Variants in MON1A observed in about 807,000 individuals in gnomAD.
MON1A encodes MON1 vesicular trafficking associated A.
MON1A carries 29 observed loss-of-function variants against 44.6 expected under a neutral mutation model. The ratio of observed to expected loss-of-function variants is 0.65; its 90% confidence interval spans 0.48 to 0.89. The LOEUF is 0.89. Among genes scored for constraint, MON1A ranks in the 40% least tolerant of loss-of-function variants. The probability of loss-of-function intolerance (pLI) is 0.00; values close to 1 mark genes in which losing one functional copy is unlikely to be tolerated. For missense variants in MON1A, 615 were observed against 759.6 expected (o/e 0.81, Z 2.24); for synonymous variants, 275 against 316.4 (o/e 0.87, Z 1.39).
chr3:49,920,028 T>C (rs2082983070), intron 1 of MON1A, among the ~76,000 whole-genome samples: 1 of 152,188 alleles, frequency 6.6e-6, no homozygotes, highest in Non-Finnish European at 1.5e-5. Context: ...CTGGGAAATA[T>C]ATGGAGCTCA....
Position 49,910,715 on chromosome 3 carries a change from G to C in MON1A, c.783C>G (p.Asn261Lys), listed in dbSNP as rs2082867802. ...CCGAGAGTAGGCGCCGCAAATCATA[G>C]TTCTGCTTCTGCTGGAAGATGTGGC... Reference protein sequence around the residue: ...QLSHIFQQKQNYDLRRLLSGS... With the variant: ...QLSHIFQQKQKYDLRRLLSGS... Residue 261 changes from asparagine (N) to lysine (K), a missense_variant, in exon 4 of 6, where the codon AAC becomes AAG. By Grantham distance (94) the Asn-to-Lys change is moderately conservative. Coordinates refer to ENST00000296473, the MANE Select transcript of MON1A (RefSeq NM_032355.4). This position sits in a 1 kb window ranked among gnomAD's most constrained non-coding sequence, Gnocchi z 8.0. 6.2e-7 allele frequency: 1 copy of C among 1,613,724 alleles called. No individual in the cohort carries two copies. Among genetic ancestry groups the C allele is most frequent in the African/African-American group, 1.3e-5 (1 of 74,920 alleles).
intron 1 of MON1A, among the ~76,000 whole-genome samples, chr3:49,927,249 C>A (rs1220888001): frequency 1.3e-5 from 2 of 152,112 alleles, no homozygotes; most frequent in Non-Finnish European, 2.9e-5. Context: ...AACAATGGCT[C>A]CGAAGTTAGA....
chr3:49,913,061 G>A (rs759675946), intron 2 of MON1A, 159 bp downstream of exon 2: 4 of 940,752 alleles, frequency 4.3e-6, no homozygotes, highest in Non-Finnish European at 6.7e-6. Context: ...GATGCAGAAT[G>A]AGCCTGGCCT....
chr3:49,926,828 G>C, intron 1 of MON1A, among the ~76,000 whole-genome samples: 1 of 151,424 alleles, frequency 6.6e-6, no homozygotes, highest in Non-Finnish European at 1.5e-5. Flanking sequence ...GCCCAGGCTG[G>C]AGTGCAGTGG....
chr3:49,913,289 G>A lies in MON1A; in HGVS notation c.58C>T (p.Pro20Ser). ...CTCTCCATACTCTGTCCATCAGAAG[G>A]AGTCAATGTGCCATCAAGGCATTCG... ...SSECLDGTLTPSDGQSMERAE... is the reference protein window; with the variant it reads ...SSECLDGTLTSSDGQSMERAE... The change falls in exon 2 of 6, where the codon CCT (proline) becomes TCT (serine). Residue 20 changes from proline to serine, a missense_variant. Transcript: ENST00000296473. 1 of 1,614,136 alleles carries A rather than the reference G, an allele frequency of 6.2e-7. No homozygotes were observed. The highest frequency in any genetic ancestry group is 1.3e-5 in the African/African-American group (1 of 75,046).
rs2082854073 is a variant in MON1A, at chr3:49,909,941, C to T, written c.1379+178G>A. 1 of 686,526 alleles carries T rather than the reference C, an allele frequency of 1.5e-6. No homozygotes were observed. Among genetic ancestry groups the T allele is most frequent in the Non-Finnish European group, 2.5e-6 (1 of 399,812 alleles). 42.5% of individuals were successfully genotyped at this position (686,526 alleles called of 1,614,324 possible). A position where few individuals can be genotyped will look rare whatever the true frequency, so the allele number is the denominator to read the frequency against. On this transcript the variant is annotated intron_variant, in intron 4 of 5. Coordinates refer to ENST00000296473, the MANE Select transcript of MON1A (RefSeq NM_032355.4). The surrounding 1 kb of genome is among the most constrained non-coding windows in gnomAD (Gnocchi z 4.0). ...GTTAATAAAGTAGAGAGGGTATGCT[C>T]ATGGGGTGATGGAGAGTCTGGGTCT...
At chr3:49,917,393 C>G (rs1426429132) in intron 1 of MON1A, among the ~76,000 whole-genome samples, 1 of 152,136 alleles carries the variant, frequency 6.6e-6, no homozygotes, top group Non-Finnish European at 1.5e-5. Flanking sequence ...TTATGCCATT[C>G]TCCTGCCTCA....
At position 49,910,305 on chromosome 3, in the gene MON1A, G is replaced by A; in HGVS notation, c.1193C>T (p.Thr398Ile). Reference protein sequence around the residue: ...DTDLCLLLVSTDREDFFAVSD... With the variant: ...DTDLCLLLVSIDREDFFAVSD... ...GACTGCAAAGAAGTCCTCACGGTCAGTGGAGACAAGCAGCAGGCAGAGGTC... is the reference window on the plus strand; with the variant it reads ...GACTGCAAAGAAGTCCTCACGGTCAATGGAGACAAGCAGCAGGCAGAGGTC... Residue 398 changes from threonine to isoleucine, a missense_variant, in exon 4 of 6, where the codon ACT becomes ATT. By Grantham distance (89) the Thr-to-Ile change is moderately conservative. Transcript: ENST00000296473. The surrounding 1 kb of genome is among the most constrained non-coding windows in gnomAD (Gnocchi z 8.0). The A allele has an allele frequency of 1.2e-6, 2 of 1,614,220 alleles. No homozygotes were observed. Among genetic ancestry groups the A allele is most frequent in the Non-Finnish European group, 8.5e-7 (1 of 1,180,046 alleles).
chr3:49,918,663 C>G (rs1198608353), intron 1 of MON1A, among the ~76,000 whole-genome samples: 1 of 152,020 alleles, frequency 6.6e-6, no homozygotes, highest in African/African-American at 2.4e-5. Context: ...CCACCCGCCT[C>G]AGTCCCCCAA....
chr3:49,912,059 A>G, intron 2 of MON1A, 48 bp from the exon 3 acceptor site: 1 of 1,523,452 alleles, frequency 6.6e-7, no homozygotes, highest in Non-Finnish European at 8.8e-7. Flanking sequence ...AGTGGCAGAC[A>G]CTCCTACCAG....
Position 49,913,281 on chromosome 3 carries a change from A to G in MON1A, c.66T>C (p.Asp22=). 3 of 1,614,148 alleles carry G rather than the reference A, an allele frequency of 1.9e-6. No homozygotes were observed. The highest frequency in any genetic ancestry group is 1.1e-5 in the South Asian group (1 of 91,086). ...ECLDGTLTPS[D]GQSMERAESP... The stretch of plus-strand genomic sequence containing the variant: ...TCTCAGCTCTCTCCATACTCTGTCC[A>G]TCAGAAGGAGTCAATGTGCCATCAA... Residue 22 remains aspartate (D), a synonymous_variant, in exon 2 of 6, where the codon GAT becomes GAC. Coordinates refer to ENST00000296473, the MANE Select transcript of MON1A (RefSeq NM_032355.4).
intron 1 of MON1A, among the ~76,000 whole-genome samples, chr3:49,923,331 GGGAA>G (rs2083020563): frequency 2.2e-5 from 3 of 136,180 alleles, no homozygotes; most frequent in South Asian, 2.9e-4. Flanking sequence ...GACTCTGGGA[GGGAA>G]GGAAGGGAGG....
intron 1 of MON1A, chr3:49,916,105 C>T (rs992135957): frequency 2.6e-5 from 4 of 152,274 alleles, no homozygotes; most frequent in Non-Finnish European, 5.9e-5. Flanking sequence ...GCAAAGTAGA[C>T]CTGAGCCTGC....
At position 49,909,630 on chromosome 3, in the gene MON1A, CT is replaced by C; in HGVS notation, c.1380-231del. The C allele has an allele frequency of 1.8e-6, 1 of 556,564 alleles. No homozygotes were observed. Among genetic ancestry groups the C allele is most frequent in the Admixed American group, 3.2e-5 (1 of 30,996 alleles). The allele number at this position is 556,564 out of a possible 1,614,324, so 34.5% of individuals were successfully genotyped here. ...CTCTTACCCCCTAAGCTCATAGTGT[CT>C]TTGGTGACCCCTCTTTGGAGAGGCC... On this transcript the variant is annotated intron_variant, in intron 4 of 5. Coordinates refer to ENST00000296473, the MANE Select transcript of MON1A (RefSeq NM_032355.4). This position sits in a 1 kb window ranked among gnomAD's most constrained non-coding sequence, Gnocchi z 4.0.
At position 49,920,129 on chromosome 3, in the gene MON1A, A is replaced by G. The variant is rs1199318394; in HGVS notation, c.-13-6770T>C. On this transcript the variant is annotated intron_variant, in intron 1 of 5. Transcript: ENST00000296473. ...CAGTTCTGAACAGAATCTCACCTCCATTACTCCATCAACACTGCTCCCATC... is the reference window on the plus strand; with the variant it reads ...CAGTTCTGAACAGAATCTCACCTCCGTTACTCCATCAACACTGCTCCCATC... 3.3e-5 allele frequency among the ~76,000 whole-genome samples: 5 copies of G among 152,102 alleles called. No homozygotes were observed. In the South Asian group the frequency reaches 1.0e-3, roughly 32 times the overall value.
chr3:49,923,209 C>T (rs1266118659), intron 1 of MON1A, among the ~76,000 whole-genome samples: 3 of 151,208 alleles, frequency 2.0e-5, no homozygotes, highest in African/African-American at 4.8e-5. Flanking sequence ...GGTGTGGTGG[C>T]GCATGCCTGT....
Position 49,910,246 on chromosome 3 carries a change from G to A in MON1A, c.1252C>T (p.Arg418Cys), listed in dbSNP as rs1186165540. Residue 418 changes from arginine (R) to cysteine (C), a missense_variant, in exon 4 of 6, where the codon CGC (arginine) becomes TGC (cysteine). Transcript: ENST00000296473. The surrounding 1 kb of genome is among the most constrained non-coding windows in gnomAD (Gnocchi z 8.0). ...DCRRRFQERL[R>C]KRGAHLALRE... ...AGGGCCAGGTGGGCTCCGCGCTTGC[G>A]AAGGCGCTCCTGGAAGCGGCGGCGG... 2 of 1,614,144 alleles carry A rather than the reference G, an allele frequency of 1.2e-6. No individual in the cohort carries two copies. The highest frequency in any genetic ancestry group is 1.7e-5 in the Admixed American group (1 of 60,034).
chr3:49,916,503 C>G (rs969440568), intron 1 of MON1A: 1 of 152,210 alleles, frequency 6.6e-6, no homozygotes, highest in Non-Finnish European at 1.5e-5. Flanking sequence ...GCCTGGTGGC[C>G]ACTCCTGCAC....
At position 49,909,206 on chromosome 3, in the gene MON1A, A is replaced by C; in HGVS notation, c.1527+47T>G. The C allele has an allele frequency of 6.2e-7, 1 of 1,613,004 alleles. No homozygotes were observed. On this transcript the variant is annotated intron_variant, in intron 5 of 5. Transcript: ENST00000296473. The surrounding 1 kb of genome is among the most constrained non-coding windows in gnomAD (Gnocchi z 4.0). ...CTAGGTTAGAGGCCCCTCATGGCCC[A>C]TACCTAGGACCTCCATAAAGCCCAG...
Sources: gnomAD v4.1 joint callset for allele counts (sites outside exome capture counted in the v4.1 genomes callset) on GRCh38, gnomAD v4.1.1 for gene constraint, Gnocchi (gnomAD v3.1) non-coding constraint, MANE v1.5 for transcripts, NCBI Gene and HGNC (gene_info 2026-07-23, HGNC 2026-07-21) for gene names.